ANKS1B: variants seen among roughly 807,000 people sequenced by gnomAD.
ANKS1B encodes ankyrin repeat and sterile alpha motif domain-containing protein 1B.
Under a neutral mutation model 148.3 loss-of-function variants are expected in ANKS1B, and 36 were observed. The observed-to-expected ratio is 0.24, with a 90% CI of 0.19 to 0.32. The LOEUF is 0.32. ANKS1B is among the 10% of genes least tolerant of loss of function. ANKS1B has a pLI of 1.00. For synonymous variants in ANKS1B, 542 were observed against 560.8 expected (o/e 0.97, Z 0.47); for missense variants, 1,157 against 1,542.6 (o/e 0.75, Z 4.19).
chr12:99,382,353 T>C (rs551952587), intron 12 of ANKS1B, among the ~76,000 whole-genome samples: 56 of 152,014 alleles, frequency 3.7e-4, no homozygotes, highest in African/African-American at 1.2e-3. Context: ...CAAATGGAAA[T>C]AGACAGAGTC....
At chr12:99,169,029 G>A (rs2077481279) in intron 14 of ANKS1B, among the ~76,000 whole-genome samples, 1 of 152,186 alleles carries the variant, frequency 6.6e-6, no homozygotes, top group East Asian at 1.9e-4. Context: ...AGTTCATTAG[G>A]GGGAAAATAC....
chr12:99,924,672 G>A (rs958895394), intron 1 of ANKS1B, among the ~76,000 whole-genome samples: 3 of 152,110 alleles, frequency 2.0e-5, no homozygotes, highest in Admixed American at 6.6e-5. Flanking sequence ...AAAGGCCCCC[G>A]AAAAATGACT....
chr12:99,891,877 A>G lies in ANKS1B; in HGVS notation c.135-66488T>C, dbSNP rs116883825. Among the ~76,000 whole-genome samples the G allele has an allele frequency of 3.7e-3, 565 of 152,358 alleles. 15 individuals carry two copies. In the East Asian group the frequency reaches 0.1, roughly 27 times the overall value. On this transcript the variant is annotated intron_variant, in intron 1 of 26. Coordinates refer to ENST00000683438, the MANE Select transcript of ANKS1B (RefSeq NM_001352186.2). ...TGTGAGGTCTGTGATTTGCTATAAA[A>G]TAATCCAGAGGAGGTAGGGGAATTT...
At position 99,826,186 on chromosome 12, in the gene ANKS1B, T is replaced by C. The variant is rs147374173; in HGVS notation, c.135-797A>G. Among the ~76,000 whole-genome samples, 44 of 152,306 alleles carry C rather than the reference T, an allele frequency of 2.9e-4. 1 individual carries two copies. Among genetic ancestry groups the C allele is most frequent in the African/African-American group, 1.0e-3 (42 of 41,558 alleles). On this transcript the variant is annotated intron_variant, in intron 1 of 26. Transcript: ENST00000683438. ...AGTTCACACATTCACAAAACATTTA[T>C]TGTACACCAACTGTATGTCACATAT...
chr12:99,278,924 C>A (rs572540728), intron 12 of ANKS1B, among the ~76,000 whole-genome samples: 1 of 152,052 alleles, frequency 6.6e-6, no homozygotes, highest in Non-Finnish European at 1.5e-5. Flanking sequence ...TTGTATTAAC[C>A]TAAATTATTG....
At chr12:99,644,112 A>G (rs188425971) in intron 9 of ANKS1B, among the ~76,000 whole-genome samples, 16 of 152,302 alleles carry the variant, frequency 1.1e-4, no homozygotes, top group African/African-American at 3.4e-4. Context: ...CCAACACTTT[A>G]TCTAGAAATC....
chr12:98,781,319 C>T (rs1430514078), intron 23 of ANKS1B, 116 bp from the exon 24 acceptor site: 10 of 655,674 alleles, frequency 1.5e-5, no homozygotes, highest in Non-Finnish European at 2.5e-5. Context: ...CAACAACACA[C>T]ACACACACAC....
At chr12:99,179,038 T>C (rs2078768380) in intron 14 of ANKS1B, among the ~76,000 whole-genome samples, 2 of 152,212 alleles carry the variant, frequency 1.3e-5, no homozygotes, top group Admixed American at 1.3e-4. Flanking sequence ...ACCTTGGCTA[T>C]AACATTCATT....
rs576281815 is a variant in ANKS1B, at chr12:99,287,958, T to C, written c.1757-41094A>G. On this transcript the variant is annotated intron_variant, in intron 12 of 26. Coordinates refer to ENST00000683438, the MANE Select transcript of ANKS1B (RefSeq NM_001352186.2). The stretch of plus-strand genomic sequence containing the variant: ...AGCAAATCTAAAAGTTCTTAATCTT[T>C]AAGAGGAGGTAAAGAGAGAGATCAG... Among the ~76,000 whole-genome samples, 15 of 152,218 alleles carry C rather than the reference T, an allele frequency of 9.9e-5. No individual in the cohort carries two copies. The South Asian group carries it at 1.9e-3, about 19-fold the overall frequency.
intron 17 of ANKS1B, among the ~76,000 whole-genome samples, chr12:98,870,337 G>A (rs1235481780): frequency 1.3e-5 from 2 of 152,222 alleles, no homozygotes; most frequent in African/African-American, 2.4e-5. Context: ...ACACTGCAGT[G>A]AGGGGTAGTC....
At chr12:99,756,952 T>A (rs2061624525) in intron 8 of ANKS1B, among the ~76,000 whole-genome samples, 1 of 150,610 alleles carries the variant, frequency 6.6e-6, no homozygotes, top group African/African-American at 2.4e-5. Context: ...TAACTCAAGA[T>A]GGATTAAAGA....
chr12:98,834,024 G>A (rs2099347665), intron 17 of ANKS1B, among the ~76,000 whole-genome samples: 1 of 152,100 alleles, frequency 6.6e-6, no homozygotes. Context: ...AACTGATGTA[G>A]ATTTTAAACT....
intron 9 of ANKS1B, among the ~76,000 whole-genome samples, chr12:99,593,710 G>A (rs757217248): frequency 2.6e-5 from 4 of 152,080 alleles, no homozygotes; most frequent in Non-Finnish European, 5.9e-5. Context: ...GTTAAATGAA[G>A]TAAAATGCCT....
chr12:99,885,273 GC>G (rs2092760358), intron 1 of ANKS1B, among the ~76,000 whole-genome samples: 1 of 149,516 alleles, frequency 6.7e-6, no homozygotes, highest in Non-Finnish European at 1.5e-5. Context: ...TGCCTTTACT[GC>G]CCAGTGTACT....
At chr12:99,573,489 A>G (rs2153223907) in intron 9 of ANKS1B, among the ~76,000 whole-genome samples, 1 of 152,148 alleles carries the variant, frequency 6.6e-6, no homozygotes, top group Non-Finnish European at 1.5e-5. Flanking sequence ...ATTTATAGTG[A>G]TACTCACACA....
At chr12:99,334,575 AAT>A (rs1388789509) in intron 12 of ANKS1B, among the ~76,000 whole-genome samples, 1 of 152,100 alleles carries the variant, frequency 6.6e-6, no homozygotes, top group African/African-American at 2.4e-5. Flanking sequence ...CCCAGTTCCA[AAT>A]GCACACCACC....
chr12:99,820,323 T>A (rs2082355478), intron 2 of ANKS1B, among the ~76,000 whole-genome samples: 1 of 151,868 alleles, frequency 6.6e-6, no homozygotes, highest in South Asian at 2.1e-4. Flanking sequence ...CCAATGAAAA[T>A]GTACAAAATT....
chr12:99,279,830 A>C (rs2078162777), intron 12 of ANKS1B, among the ~76,000 whole-genome samples: 1 of 151,996 alleles, frequency 6.6e-6, no homozygotes, highest in Admixed American at 6.6e-5. Flanking sequence ...CCTAGGCAAC[A>C]TGGTGAAACC....
At chr12:98,939,767 A>G (rs768928293) in intron 17 of ANKS1B, among the ~76,000 whole-genome samples, 1 of 152,228 alleles carries the variant, frequency 6.6e-6, no homozygotes, top group African/African-American at 2.4e-5. Context: ...ACTTTTAAAG[A>G]AAATGGCTTC....
Sources: allele counts gnomAD v4.1 joint callset (sites outside exome capture counted in the v4.1 genomes callset), GRCh38; gene constraint gnomAD v4.1.1; transcripts MANE v1.5; gene names NCBI Gene and HGNC (gene_info 2026-07-23, HGNC 2026-07-21).